The following ME1 variants were observed in gnomAD, a reference collection of about 807,000 sequenced individuals.
ME1 encodes the protein NADP-dependent malic enzyme.
Under a neutral mutation model 66.4 loss-of-function variants are expected in ME1, and 74 were observed. The observed-to-expected ratio is 1.11, with a 90% CI of 0.92 to 1.35. The LOEUF is 1.35. Among genes scored for constraint, ME1 ranks in the 40% most tolerant of loss-of-function variants. ME1 has a pLI of 0.00. For synonymous variants in ME1, 251 were observed against 235.6 expected (o/e 1.07, Z -0.60); for missense variants, 750 against 694.1 (o/e 1.08, Z -0.90).
chr6:83,310,137 G>A (rs889749864), intron 6 of ME1, among the ~76,000 whole-genome samples: 10 of 151,926 alleles, frequency 6.6e-5, no homozygotes, highest in African/African-American at 9.7e-5. Flanking sequence ...TATGCCCCTC[G>A]GATCCCCCAC....
chr6:83,357,054 T>C (rs1192872727), intron 3 of ME1, among the ~76,000 whole-genome samples: 1 of 152,214 alleles, frequency 6.6e-6, no homozygotes, highest in African/African-American at 2.4e-5. Flanking sequence ...ATGAACAATT[T>C]AGTGTTTTTA....
chr6:83,292,980 G>A (rs367986424), intron 6 of ME1, among the ~76,000 whole-genome samples: 21 of 152,222 alleles, frequency 1.4e-4, no homozygotes, highest in Admixed American at 5.2e-4. Flanking sequence ...CTGGTCTGCC[G>A]GTTGCAAAGA....
intron 6 of ME1, among the ~76,000 whole-genome samples, chr6:83,268,730 T>TATC (rs1413497356): frequency 1.4e-5 from 2 of 144,742 alleles, no homozygotes; most frequent in African/African-American, 5.0e-5. Flanking sequence ...CATGCCCCGT[T>TATC]ATTATTATTA....
chr6:83,317,705 T>G (rs1482360703), intron 5 of ME1, among the ~76,000 whole-genome samples: 1 of 152,170 alleles, frequency 6.6e-6, no homozygotes, highest in East Asian at 1.9e-4. Flanking sequence ...AGAATCAATA[T>G]CGTGAAAATG....
intron 6 of ME1, among the ~76,000 whole-genome samples, chr6:83,279,935 A>T (rs1343436786): frequency 6.6e-6 from 1 of 152,218 alleles, no homozygotes; most frequent in Admixed American, 6.5e-5. Flanking sequence ...ACTCCTCCTC[A>T]GAAACCACAC....
In ME1 at chr6:83,388,627, G is replaced by T. The variant is rs551797835; in HGVS notation, c.362+9740C>A. On this transcript the variant is annotated intron_variant, in intron 3 of 13. Transcript: ENST00000369705. The stretch of plus-strand genomic sequence containing the variant: ...TTATTCTAAGAAACTTGGCTGTAAA[G>T]AATCTTTTTTGATTTCATTTAATTC... Among the ~76,000 whole-genome samples the T allele has an allele frequency of 2.6e-5, 4 of 152,196 alleles. No homozygotes were observed. The South Asian group carries it at 8.4e-4, about 32-fold the overall frequency.
chr6:83,307,011 G>C (rs932293403), intron 6 of ME1, among the ~76,000 whole-genome samples: 1 of 152,098 alleles, frequency 6.6e-6, no homozygotes, highest in African/African-American at 2.4e-5. Context: ...ACCATGTTCA[G>C]AATGAAACAG....
intron 5 of ME1, among the ~76,000 whole-genome samples, chr6:83,333,849 A>G (rs550008398): frequency 6.6e-6 from 1 of 152,312 alleles, no homozygotes; most frequent in African/African-American, 2.4e-5. Context: ...AGTTTTTAGA[A>G]AAAAAATACT....
chr6:83,368,775 T>A (rs374527235), intron 3 of ME1, among the ~76,000 whole-genome samples: 1 of 152,070 alleles, frequency 6.6e-6, no homozygotes, highest in Non-Finnish European at 1.5e-5. Context: ...TATGAATCCT[T>A]AGAACAGTCA....
At chr6:83,406,171 G>A (rs956725020) in intron 2 of ME1, among the ~76,000 whole-genome samples, 5 of 152,208 alleles carry the variant, frequency 3.3e-5, no homozygotes, top group Non-Finnish European at 7.3e-5. Flanking sequence ...GCATCCCAGG[G>A]ATGAAGCCAA....
At chr6:83,367,362 C>T (rs1361753883) in intron 3 of ME1, among the ~76,000 whole-genome samples, 1 of 152,086 alleles carries the variant, frequency 6.6e-6, no homozygotes, top group Non-Finnish European at 1.5e-5. Flanking sequence ...CTGCATTTGG[C>T]CTTAACAAAA....
rs964515961 is a variant in ME1, at chr6:83,396,135, G to T, written c.362+2232C>A. The stretch of plus-strand genomic sequence containing the variant: ...GGGAGGCATTTTGGGAGGCTGAGGC[G>T]GGTGGATCACATGAGGCCAACAGTT... On this transcript the variant is annotated intron_variant, in intron 3 of 13. Coordinates refer to ENST00000369705, the MANE Select transcript of ME1 (RefSeq NM_002395.6). Among the ~76,000 whole-genome samples the T allele has an allele frequency of 2.6e-5, 4 of 152,142 alleles. No individual in the cohort carries two copies. In the East Asian group the frequency reaches 7.7e-4, roughly 29 times the overall value.
At chr6:83,353,029 T>G (rs1768829726) in intron 3 of ME1, among the ~76,000 whole-genome samples, 2 of 152,186 alleles carry the variant, frequency 1.3e-5, no homozygotes, top group African/African-American at 2.4e-5. Context: ...ATAGTTAATT[T>G]ATTATTTTAT....
At chr6:83,269,318 T>C (rs1265694760) in intron 6 of ME1, among the ~76,000 whole-genome samples, 4 of 152,156 alleles carry the variant, frequency 2.6e-5, no homozygotes, top group African/African-American at 9.7e-5. Context: ...ATAAAGTATA[T>C]ATGCAAGTAA....
At chr6:83,377,889 A>C (rs1331268179) in intron 3 of ME1, among the ~76,000 whole-genome samples, 1 of 152,206 alleles carries the variant, frequency 6.6e-6, no homozygotes, top group African/African-American at 2.4e-5. Flanking sequence ...ATAAATTTAA[A>C]AAGGTTTGAG....
intron 3 of ME1, among the ~76,000 whole-genome samples, chr6:83,368,755 T>C (rs1769144182): frequency 6.6e-6 from 1 of 152,040 alleles, no homozygotes; most frequent in Non-Finnish European, 1.5e-5. Context: ...ATAGGAGTTT[T>C]AGTCATGGCT....
rs946921271 is a variant in ME1, at chr6:83,272,645, AC to A, written c.705-18908del. Among the ~76,000 whole-genome samples, 6 of 152,240 alleles carry A rather than the reference AC, an allele frequency of 3.9e-5. No homozygotes were observed. The South Asian group carries it at 8.3e-4, about 21-fold the overall frequency. ...GGAAAGGCAATGCAGTCAGCTACTT[AC>A]CCCCTAAGTCCAAGGATTAGATTCA... On this transcript the variant is annotated intron_variant, in intron 6 of 13. Transcript: ENST00000369705.
chr6:83,357,409 C>T (rs753282028), intron 3 of ME1, among the ~76,000 whole-genome samples: 1 of 152,150 alleles, frequency 6.6e-6, no homozygotes, highest in Non-Finnish European at 1.5e-5. Flanking sequence ...TCTTATTCAA[C>T]AGGTTTTAAT....
chr6:83,427,946 A>C (rs997004748), intron 1 of ME1, among the ~76,000 whole-genome samples: 2 of 151,780 alleles, frequency 1.3e-5, no homozygotes, highest in Non-Finnish European at 2.9e-5. Context: ...CAGGAGGTAG[A>C]GTTTGCAGTG....
Sources: gnomAD v4.1 joint callset for allele counts (sites outside exome capture counted in the v4.1 genomes callset) on GRCh38, gnomAD v4.1.1 for gene constraint, MANE v1.5 for transcripts, NCBI Gene and HGNC (gene_info 2026-07-23, HGNC 2026-07-21) for gene names.